GRID2: variants seen among roughly 807,000 people sequenced by gnomAD.
GRID2 encodes the protein glutamate receptor ionotropic, delta-2.
In GRID2, 33 loss-of-function variants were observed where a neutral mutation model predicts 114.8. The ratio of observed to expected loss-of-function variants is 0.29; its 90% CI spans 0.22 to 0.38. The LOEUF (loss-of-function observed/expected upper bound fraction) is 0.38, where lower values mean the gene tolerates loss of function less well. Ranked by LOEUF, GRID2 falls within the 10% of genes least tolerant of loss-of-function variation. The pLI, the probability that GRID2 is intolerant of heterozygous loss-of-function variation, is 1.00. For missense variants in GRID2, 1,184 were observed against 1,257.7 expected, an observed-to-expected ratio of 0.94 and a Z score of 0.89; for synonymous variants, 505 against 449.9, an observed-to-expected ratio of 1.12 and a Z score of -1.55.
At chr4:93,140,654 A>G (rs954440464) in intron 4 of GRID2, among the ~76,000 whole-genome samples, 1 of 152,194 alleles carries the variant, frequency 6.6e-6, no homozygotes, top group South Asian at 2.1e-4. Flanking sequence ...AGTGACAATA[A>G]ATATGATAGA....
chr4:93,744,198 G>A (rs190357710), intron 14 of GRID2, among the ~76,000 whole-genome samples: 39 of 152,320 alleles, frequency 2.6e-4, no homozygotes, highest in African/African-American at 7.7e-4. Flanking sequence ...AGGAGATAAT[G>A]TTGTTTTCGT....
At chr4:93,044,922 A>G (rs1461297141) in intron 2 of GRID2, among the ~76,000 whole-genome samples, 1 of 152,168 alleles carries the variant, frequency 6.6e-6, no homozygotes, top group Non-Finnish European at 1.5e-5. Flanking sequence ...TAGGACACTC[A>G]GAAAAGATTT....
intron 7 of GRID2, among the ~76,000 whole-genome samples, chr4:93,234,586 T>C (rs539202659): frequency 1.3e-5 from 2 of 152,064 alleles, no homozygotes; most frequent in South Asian, 2.1e-4. Context: ...TAATGTTACA[T>C]GGCAACTCAA....
chr4:92,936,221 A>G (rs1480752156), intron 2 of GRID2, among the ~76,000 whole-genome samples: 2 of 146,476 alleles, frequency 1.4e-5, no homozygotes, highest in Non-Finnish European at 3.0e-5. Context: ...AACACTTTTG[A>G]CACCAATTTG....
At chr4:92,828,245 C>A (rs1741868774) in intron 2 of GRID2, among the ~76,000 whole-genome samples, 1 of 152,042 alleles carries the variant, frequency 6.6e-6, no homozygotes, top group Admixed American at 6.6e-5. Context: ...CAGTCACTGG[C>A]AACCAAAGTT....
intron 1 of GRID2, among the ~76,000 whole-genome samples, chr4:92,517,269 A>G (rs922235821): frequency 6.6e-6 from 1 of 151,686 alleles, no homozygotes; most frequent in African/African-American, 2.4e-5. Flanking sequence ...GAAAGAAATT[A>G]GTTCCTCCCA....
chr4:92,449,711 A>ATAT (rs1466326075), intron 1 of GRID2, among the ~76,000 whole-genome samples: 28 of 130,100 alleles, frequency 2.2e-4, no homozygotes, highest in African/African-American at 2.8e-4. Flanking sequence ...ATATATATAT[A>ATAT]ACACTTAAGC....
At chr4:93,578,499 A>C (rs981841743) in intron 13 of GRID2, among the ~76,000 whole-genome samples, 3 of 152,110 alleles carry the variant, frequency 2.0e-5, no homozygotes, top group Non-Finnish European at 4.4e-5. Context: ...TTAGGATGAG[A>C]AAAGCAATCA....
At chr4:93,765,873 G>A (rs1036537076) in intron 14 of GRID2, among the ~76,000 whole-genome samples, 18 of 151,942 alleles carry the variant, frequency 1.2e-4, no homozygotes, top group African/African-American at 4.1e-4. Context: ...ATGTGCAGTC[G>A]TGGTTTAGAA....
Position 93,144,176 on chromosome 4 carries a change from C to A in GRID2, c.735+33223C>A, listed in dbSNP as rs1736002689. On this transcript the variant is annotated intron_variant, in intron 4 of 15. Coordinates refer to ENST00000282020, the MANE Select transcript of GRID2 (RefSeq NM_001510.4). ...TCATATTGCTGGTCTAGGGACCACA[C>A]TTTGCGAACAACTATTTTAAATAAA... 2.0e-5 allele frequency among the ~76,000 whole-genome samples: 3 copies of A among 152,092 alleles called. No individual in the cohort carries two copies. In the South Asian group the frequency reaches 6.2e-4, roughly 32 times the overall value.
Position 93,735,749 on chromosome 4 carries a change from A to T in GRID2, c.2361-33461A>T, listed in dbSNP as rs570093082. The stretch of plus-strand genomic sequence containing the variant: ...TAACTCATTTAGTGGAAACAAGTTC[A>T]GGGTTGGCCAGCCTACATGACCACC... On this transcript the variant is annotated intron_variant, in intron 14 of 15. Coordinates refer to ENST00000282020, the MANE Select transcript of GRID2 (RefSeq NM_001510.4). Among the ~76,000 whole-genome samples, 20 of 152,186 alleles carry T rather than the reference A, an allele frequency of 1.3e-4. 1 individual carries two copies. In the South Asian group the frequency reaches 4.1e-3, roughly 32 times the overall value.
At chr4:93,234,887 T>G (rs1209464745) in intron 7 of GRID2, among the ~76,000 whole-genome samples, 1 of 152,076 alleles carries the variant, frequency 6.6e-6, no homozygotes, top group Non-Finnish European at 1.5e-5. Flanking sequence ...ATCTGCAGGT[T>G]ACAAGGAACC....
chr4:92,916,075 A>G (rs1375421372), intron 2 of GRID2, among the ~76,000 whole-genome samples: 1 of 152,108 alleles, frequency 6.6e-6, no homozygotes, highest in Non-Finnish European at 1.5e-5. Flanking sequence ...TAGTGTAATT[A>G]GATCCCATTT....
intron 2 of GRID2, among the ~76,000 whole-genome samples, chr4:92,749,294 C>T (rs964468669): frequency 7.0e-6 from 1 of 142,862 alleles, no homozygotes; most frequent in Non-Finnish European, 1.5e-5. Context: ...ACGCCGCGCC[C>T]GGCCTTGATT....
intron 2 of GRID2, among the ~76,000 whole-genome samples, chr4:92,730,214 A>G (rs948644661): frequency 1.3e-5 from 2 of 151,892 alleles, no homozygotes; most frequent in East Asian, 1.9e-4. Flanking sequence ...TTTGCATTCT[A>G]TAATACCCCA....
chr4:93,526,278 G>T (rs1465006552), intron 13 of GRID2, among the ~76,000 whole-genome samples: 2 of 152,146 alleles, frequency 1.3e-5, no homozygotes, highest in African/African-American at 2.4e-5. Flanking sequence ...GAAGGTGCCT[G>T]CTTCCCCTTC....
intron 1 of GRID2, among the ~76,000 whole-genome samples, chr4:92,434,877 C>A (rs1389526160): frequency 2.0e-5 from 3 of 152,028 alleles, no homozygotes; most frequent in African/African-American, 7.2e-5. Flanking sequence ...CCCTTAATCC[C>A]TATAATGCTG....
At chr4:93,123,258 T>C (rs763423085) in intron 4 of GRID2, among the ~76,000 whole-genome samples, 1 of 152,174 alleles carries the variant, frequency 6.6e-6, no homozygotes, top group Non-Finnish European at 1.5e-5. Flanking sequence ...TTATACTAAG[T>C]TCTTAAATAA....
chr4:93,024,559 T>C (rs969579870), intron 2 of GRID2, among the ~76,000 whole-genome samples: 1 of 151,738 alleles, frequency 6.6e-6, no homozygotes, highest in African/African-American at 2.4e-5. Flanking sequence ...AAAGACAGGT[T>C]TTAAACATTG....
Sources: gnomAD v4.1 joint callset for allele counts (sites outside exome capture counted in the v4.1 genomes callset) on GRCh38, gnomAD v4.1.1 for gene constraint, MANE v1.5 for transcripts, NCBI Gene and HGNC (gene_info 2026-07-23, HGNC 2026-07-21) for gene names.